TMEM178B: variants seen among roughly 807,000 people sequenced by gnomAD.
TMEM178B encodes the protein transmembrane protein 178B.
TMEM178B carries 5 observed loss-of-function variants against 31.0 expected under a neutral mutation model. That is an observed-to-expected ratio of 0.16 (90% CI 0.08 to 0.34). The LOEUF (loss-of-function observed/expected upper bound fraction) is 0.34, where lower values mean the gene tolerates loss of function less well. Ranked by LOEUF, TMEM178B falls within the 10% of genes least tolerant of loss-of-function variation. The pLI, the probability that TMEM178B is intolerant of heterozygous loss-of-function variation, is 1.00. For missense variants in TMEM178B, 275 were observed against 400.3 expected, an observed-to-expected ratio of 0.69 and a Z score of 2.67; for synonymous variants, 164 against 164.0, an observed-to-expected ratio of 1.00 and a Z score of 0.00.
intron 1 of TMEM178B, among the ~76,000 whole-genome samples, chr7:141,195,606 GC>G (rs1796769349): frequency 1.3e-5 from 2 of 152,136 alleles, no homozygotes; most frequent in Non-Finnish European, 2.9e-5. Flanking sequence ...CTTCTTCTGA[GC>G]CCTCCAAACT....
chr7:141,298,875 A>C (rs1353719923), intron 2 of TMEM178B, among the ~76,000 whole-genome samples: 1 of 152,222 alleles, frequency 6.6e-6, no homozygotes, highest in African/African-American at 2.4e-5. Context: ...AAGTTGAGAA[A>C]GATATGGAGA....
At chr7:141,124,016 A>G (rs748945541) in intron 1 of TMEM178B, among the ~76,000 whole-genome samples, 3 of 152,046 alleles carry the variant, frequency 2.0e-5, no homozygotes, top group African/African-American at 4.8e-5. Flanking sequence ...CGGCCTCCCA[A>G]AGTGCTGGTA....
chr7:141,201,617 G>A (rs934632166), intron 1 of TMEM178B, among the ~76,000 whole-genome samples: 7 of 152,182 alleles, frequency 4.6e-5, no homozygotes, highest in Admixed American at 1.3e-4. Flanking sequence ...GAGGCTTTGA[G>A]AGGGTGAGCC....
chr7:141,456,573 A>G (rs1429625541), intron 3 of TMEM178B, among the ~76,000 whole-genome samples: 2 of 152,154 alleles, frequency 1.3e-5, no homozygotes, highest in Non-Finnish European at 2.9e-5. Flanking sequence ...TTTCTTTGCA[A>G]AAGCCTTGCA....
intron 2 of TMEM178B, among the ~76,000 whole-genome samples, chr7:141,254,143 C>T (rs1422007910): frequency 1.3e-5 from 2 of 152,210 alleles, no homozygotes; most frequent in Non-Finnish European, 2.9e-5. Context: ...TTATTTGAAT[C>T]TGCTTTGTTT....
At position 141,244,092 on chromosome 7, in the gene TMEM178B, T is replaced by C. The variant is rs546248905; in HGVS notation, c.496+31388T>C. ...GTTTCTCACGATTTTTTCAAACCTA[T>C]ATTTTTAGGCTGTTATTTTGCACCA... On this transcript the variant is annotated intron_variant, in intron 2 of 3. Transcript: ENST00000565468. Among the ~76,000 whole-genome samples the C allele has an allele frequency of 3.7e-4, 56 of 152,312 alleles. 1 individual carries two copies. Among genetic ancestry groups the C allele is most frequent in the Middle Eastern group, 3.4e-3 (1 of 294 alleles).
chr7:141,172,703 A>G (rs1796367697), intron 1 of TMEM178B, among the ~76,000 whole-genome samples: 1 of 152,240 alleles, frequency 6.6e-6, no homozygotes, highest in African/African-American at 2.4e-5. Context: ...ATTGCTGGCC[A>G]CATTGGCTAA....
At chr7:141,308,925 C>T (rs1798863361) in intron 2 of TMEM178B, among the ~76,000 whole-genome samples, 1 of 152,092 alleles carries the variant, frequency 6.6e-6, no homozygotes, top group Admixed American at 6.5e-5. Context: ...AGAAGTCAAA[C>T]AAACATGGTA....
At chr7:141,330,879 A>G (rs1326793338) in intron 2 of TMEM178B, among the ~76,000 whole-genome samples, 1 of 152,226 alleles carries the variant, frequency 6.6e-6, no homozygotes, top group Non-Finnish European at 1.5e-5. Flanking sequence ...TTGACCAGGA[A>G]GGTAGCAGTG....
intron 1 of TMEM178B, among the ~76,000 whole-genome samples, chr7:141,110,562 A>G (rs1025793858): frequency 7.9e-5 from 12 of 152,222 alleles, no homozygotes; most frequent in Admixed American, 5.9e-4. Context: ...CCTGTTCTCC[A>G]CATGTGTCCT....
At chr7:141,101,924 T>C (rs1250154888) in intron 1 of TMEM178B, among the ~76,000 whole-genome samples, 1 of 151,602 alleles carries the variant, frequency 6.6e-6, no homozygotes, top group Non-Finnish European at 1.5e-5. Context: ...TGTGTGTGTG[T>C]GTGTGTGTGT....
At chr7:141,108,099 A>G (rs1795175292) in intron 1 of TMEM178B, among the ~76,000 whole-genome samples, 1 of 152,170 alleles carries the variant, frequency 6.6e-6, no homozygotes, top group Admixed American at 6.5e-5. Context: ...GTGGAGGAGT[A>G]AAAGCCTGAT....
intron 1 of TMEM178B, among the ~76,000 whole-genome samples, chr7:141,083,397 C>CA (rs1794719745): frequency 6.9e-6 from 1 of 145,094 alleles, no homozygotes; most frequent in Non-Finnish European, 1.5e-5. Flanking sequence ...ATTTAGGTGT[C>CA]AAAGAGTAGA....
At chr7:141,394,018 C>T (rs561876076) in intron 2 of TMEM178B, among the ~76,000 whole-genome samples, 15 of 151,742 alleles carry the variant, frequency 9.9e-5, no homozygotes, top group Non-Finnish European at 2.2e-4. Flanking sequence ...AGGGAAACTC[C>T]TCTTTTTTTT....
intron 2 of TMEM178B, among the ~76,000 whole-genome samples, chr7:141,248,235 A>G (rs1586849362): frequency 6.6e-6 from 1 of 151,852 alleles, no homozygotes; most frequent in Non-Finnish European, 1.5e-5. Flanking sequence ...ACATGGTGAA[A>G]CCCTGCCTCC....
chr7:141,182,209 C>T lies in TMEM178B; in HGVS notation c.383-30382C>T, dbSNP rs1016217819. ...GGCACTGGGGGAACTCATGCATGCTCGCCGGGCAGCAGCCTCAGGCCACCA... is the reference window on the plus strand; with the variant it reads ...GGCACTGGGGGAACTCATGCATGCTTGCCGGGCAGCAGCCTCAGGCCACCA... On this transcript the variant is annotated intron_variant, in intron 1 of 3. Transcript: ENST00000565468. 3.3e-5 allele frequency among the ~76,000 whole-genome samples: 5 copies of T among 152,106 alleles called. No homozygotes were observed. In the East Asian group the frequency reaches 7.7e-4, roughly 23 times the overall value.
intron 2 of TMEM178B, among the ~76,000 whole-genome samples, chr7:141,300,527 G>A (rs1466919355): frequency 6.6e-6 from 1 of 152,098 alleles, no homozygotes; most frequent in East Asian, 1.9e-4. Context: ...AAACAATGGA[G>A]GAGAGTGAGA....
intron 2 of TMEM178B, among the ~76,000 whole-genome samples, chr7:141,281,616 T>C (rs1409092543): frequency 6.6e-6 from 1 of 152,290 alleles, no homozygotes; most frequent in East Asian, 1.9e-4. Context: ...GGAGGGTTCC[T>C]GTTTGTCCTG....
chr7:141,245,396 G>A (rs950368557), intron 2 of TMEM178B, among the ~76,000 whole-genome samples: 2 of 151,852 alleles, frequency 1.3e-5, no homozygotes, highest in Non-Finnish European at 2.9e-5. Flanking sequence ...TGTGGATGGA[G>A]GTTTGTTCAT....
Sources: gnomAD v4.1 joint callset for allele counts (sites outside exome capture counted in the v4.1 genomes callset) on GRCh38, gnomAD v4.1.1 for gene constraint, MANE v1.5 for transcripts, NCBI Gene and HGNC (gene_info 2026-07-23, HGNC 2026-07-21) for gene names.